The following CTNNA2 variants were observed in gnomAD, a reference collection of about 807,000 sequenced individuals.
The protein encoded by CTNNA2 is catenin alpha 2.
A neutral mutation model predicts 101.0 loss-of-function variants in CTNNA2; 42 were observed. That is an observed-to-expected ratio of 0.42 (90% CI 0.32 to 0.54). The LOEUF (loss-of-function observed/expected upper bound fraction) is 0.54. CTNNA2 is among the 20% of genes least tolerant of loss of function. The pLI is 0.14. For missense variants in CTNNA2, 871 were observed against 1,223.1 expected, an observed-to-expected ratio of 0.71 and a Z score of 4.29; for synonymous variants, 450 against 456.4, an observed-to-expected ratio of 0.99 and a Z score of 0.18.
intron 9 of CTNNA2, among the ~76,000 whole-genome samples, chr2:80,434,152 A>C (rs1222551510): frequency 6.6e-6 from 1 of 152,232 alleles, no homozygotes; most frequent in East Asian, 1.9e-4. Context: ...ATCAAAGCTA[A>C]TATTTCTTTA....
At chr2:79,392,479 T>G (rs1297337625) in intron 4 of CTNNA2, among the ~76,000 whole-genome samples, 5 of 152,246 alleles carry the variant, frequency 3.3e-5, no homozygotes, top group Non-Finnish European at 7.3e-5. Flanking sequence ...TTAGTTTACC[T>G]GTGTGATCTA....
chr2:79,921,339 A>T (rs1402839248), intron 7 of CTNNA2, among the ~76,000 whole-genome samples: 2 of 152,194 alleles, frequency 1.3e-5, no homozygotes, highest in Non-Finnish European at 2.9e-5. Flanking sequence ...TTTGTAAGAA[A>T]TCATCAAGTG....
At chr2:79,309,586 GTTAACATCAGGT>G in intron 2 of CTNNA2, among the ~76,000 whole-genome samples, 1 of 151,650 alleles carries the variant, frequency 6.6e-6, no homozygotes, top group Non-Finnish European at 1.5e-5. Flanking sequence ...TAACTGATTG[GTTAACATCAGGT>G]TACTTCAGGC....
intron 12 of CTNNA2, among the ~76,000 whole-genome samples, chr2:80,557,989 C>T (rs1277097412): frequency 6.6e-6 from 1 of 152,080 alleles, no homozygotes; most frequent in Non-Finnish European, 1.5e-5. Context: ...ACTAAAGGCA[C>T]CTTTCTTATT....
intron 7 of CTNNA2, among the ~76,000 whole-genome samples, chr2:79,974,323 C>A (rs1161428389): frequency 6.6e-6 from 1 of 152,096 alleles, no homozygotes; most frequent in Non-Finnish European, 1.5e-5. Flanking sequence ...GCTAATTGCC[C>A]TGTAGAAGCA....
At chr2:80,556,590 A>C (rs1178198552) in intron 12 of CTNNA2, among the ~76,000 whole-genome samples, 1 of 152,194 alleles carries the variant, frequency 6.6e-6, no homozygotes, top group Non-Finnish European at 1.5e-5. Flanking sequence ...TGGGGTAAAA[A>C]AAAATGCTTC....
At chr2:80,552,725 G>A (rs141476878) in intron 11 of CTNNA2, among the ~76,000 whole-genome samples, 30 of 152,196 alleles carry the variant, frequency 2.0e-4, no homozygotes, top group South Asian at 6.2e-4. Context: ...TGTACAGCAC[G>A]TTACTGTACT....
intron 2 of CTNNA2, among the ~76,000 whole-genome samples, chr2:79,219,502 T>C (rs562689770): frequency 6.6e-6 from 1 of 152,344 alleles, no homozygotes; most frequent in East Asian, 1.9e-4. Flanking sequence ...CATATGTGGC[T>C]AGTGACTACT....
At chr2:80,089,598 A>T (rs868625495) in intron 7 of CTNNA2, among the ~76,000 whole-genome samples, 2 of 152,154 alleles carry the variant, frequency 1.3e-5, no homozygotes, top group East Asian at 3.9e-4. Flanking sequence ...AATGCAAAAA[A>T]AATTAGTAAA....
At chr2:80,588,023 G>T (rs1000771730) in intron 14 of CTNNA2, among the ~76,000 whole-genome samples, 4 of 152,148 alleles carry the variant, frequency 2.6e-5, no homozygotes, top group African/African-American at 9.7e-5. Flanking sequence ...GGTCCTAGGG[G>T]AAATACAGCA....
intron 7 of CTNNA2, among the ~76,000 whole-genome samples, chr2:80,306,077 A>G (rs1676910927): frequency 6.6e-6 from 1 of 152,184 alleles, no homozygotes; most frequent in Non-Finnish European, 1.5e-5. Context: ...ATGGAATCAA[A>G]GTCACCAAAG....
At chr2:80,167,755 C>T (rs996603650) in intron 7 of CTNNA2, among the ~76,000 whole-genome samples, 44 of 152,238 alleles carry the variant, frequency 2.9e-4, no homozygotes, top group African/African-American at 9.6e-4. Flanking sequence ...TTGTAATGCA[C>T]GGATTTTTTT....
chr2:79,291,134 C>A (rs1324523166), intron 2 of CTNNA2, among the ~76,000 whole-genome samples: 1 of 152,202 alleles, frequency 6.6e-6, no homozygotes, highest in Non-Finnish European at 1.5e-5. Flanking sequence ...GATAAGGGAA[C>A]TTTTCTCCTT....
chr2:79,336,796 T>C (rs747402990), intron 3 of CTNNA2, among the ~76,000 whole-genome samples: 2 of 152,162 alleles, frequency 1.3e-5, no homozygotes, highest in Non-Finnish European at 2.9e-5. Context: ...GATTAAATGA[T>C]ACATTGCAAG....
At chr2:79,479,977 A>C (rs1671091639) in intron 4 of CTNNA2, among the ~76,000 whole-genome samples, 1 of 152,070 alleles carries the variant, frequency 6.6e-6, no homozygotes, top group Admixed American at 6.6e-5. Context: ...AAAGAGGTTT[A>C]TTTGGCTCAT....
intron 18 of CTNNA2, among the ~76,000 whole-genome samples, chr2:80,634,654 G>A (rs1672675758): frequency 6.6e-6 from 1 of 152,104 alleles, no homozygotes. Flanking sequence ...ACGGGGTAAA[G>A]GGTGGGAAGC....
chr2:80,272,444 T>A (rs927080812), intron 7 of CTNNA2, among the ~76,000 whole-genome samples: 1 of 152,230 alleles, frequency 6.6e-6, no homozygotes, highest in Admixed American at 6.5e-5. Flanking sequence ...AATCTTTCTA[T>A]GTTTATTTCC....
Position 79,317,815 on chromosome 2 carries a change from A to G in CTNNA2, c.-318+5019A>G, listed in dbSNP as rs1016809177. 1.2e-4 allele frequency among the ~76,000 whole-genome samples: 19 copies of G among 152,246 alleles called. 1 individual carries two copies. The East Asian group carries it at 3.1e-3, about 25-fold the overall frequency. ...GACCTTTTTATGATTTTATGTTAATACATTAATATAGTAAGTATTGAAAAA... is the reference window on the plus strand; with the variant it reads ...GACCTTTTTATGATTTTATGTTAATGCATTAATATAGTAAGTATTGAAAAA... On this transcript the variant is annotated intron_variant, in intron 3 of 21. Transcript: ENST00000466387.
chr2:79,481,490 AAAG>A (rs1671110102), intron 4 of CTNNA2, among the ~76,000 whole-genome samples: 2 of 152,210 alleles, frequency 1.3e-5, no homozygotes, highest in Admixed American at 6.5e-5. Flanking sequence ...AGGCAAAAAA[AAAG>A]AAGTTTACAA....
Sources: gnomAD v4.1 joint callset for allele counts (sites outside exome capture counted in the v4.1 genomes callset) on GRCh38, gnomAD v4.1.1 for gene constraint, MANE v1.5 for transcripts, NCBI Gene and HGNC (gene_info 2026-07-23, HGNC 2026-07-21) for gene names.